Variants in PTCHD4 observed in about 807,000 individuals in gnomAD.
The protein encoded by PTCHD4 is patched domain-containing protein 4.
A neutral mutation model predicts 58.1 loss-of-function variants in PTCHD4; 33 were observed. That is an observed-to-expected ratio of 0.57 (90% CI 0.43 to 0.76). PTCHD4 has a LOEUF of 0.76. Among genes scored for constraint, PTCHD4 ranks in the 30% least tolerant of loss-of-function variants. PTCHD4 has a pLI of 0.00. For missense variants in PTCHD4, 1,058 were observed against 1,027.1 expected (o/e 1.03, Z -0.41); for synonymous variants, 478 against 409.6 (o/e 1.17, Z -2.02).
At chr6:48,033,747 A>G (rs1763531648) in intron 3 of PTCHD4, among the ~76,000 whole-genome samples, 1 of 152,074 alleles carries the variant, frequency 6.6e-6, no homozygotes, top group Non-Finnish European at 1.5e-5. Flanking sequence ...TCAAAAGGGT[A>G]GTTGGACCAA....
intron 4 of PTCHD4, among the ~76,000 whole-genome samples, chr6:47,892,339 A>G (rs1368198087): frequency 6.6e-6 from 1 of 152,228 alleles, no homozygotes; most frequent in Non-Finnish European, 1.5e-5. Context: ...AACAATTATG[A>G]CAATCTTATC....
At chr6:48,018,723 T>C (rs1762952026) in intron 3 of PTCHD4, among the ~76,000 whole-genome samples, 2 of 152,242 alleles carry the variant, frequency 1.3e-5, no homozygotes, top group Non-Finnish European at 2.9e-5. Context: ...TAAAAAGCAA[T>C]ATTACTATTC....
At chr6:47,902,378 T>C (rs1471704947) in intron 4 of PTCHD4, among the ~76,000 whole-genome samples, 2 of 152,158 alleles carry the variant, frequency 1.3e-5, no homozygotes, top group Non-Finnish European at 2.9e-5. Flanking sequence ...CAAGATACTT[T>C]GAAGGCACTT....
At position 48,088,986 on chromosome 6, in the gene PTCHD4, A is replaced by G. The variant is rs1765313198; in HGVS notation, c.-969-19060T>C. On this transcript the variant is annotated intron_variant, in intron 1 of 4. Transcript: ENST00000339488. The stretch of plus-strand genomic sequence containing the variant: ...CTTGAACCCAGGAGGCGGAGGTTGC[A>G]TTGAGCCAAAAATCACACCATTGCA... Among the ~76,000 whole-genome samples, 4 of 152,164 alleles carry G rather than the reference A, an allele frequency of 2.6e-5. No homozygotes were observed. In the South Asian group the frequency reaches 8.3e-4, roughly 31 times the overall value.
chr6:48,008,529 C>T, intron 4 of PTCHD4, 105 bp downstream of exon 4: 1 of 1,287,022 alleles, frequency 7.8e-7, no homozygotes, highest in Non-Finnish European at 1.1e-6. Flanking sequence ...ATGACATAGA[C>T]ACCCCAATGC....
At chr6:48,071,770 T>A (rs937543599) in intron 1 of PTCHD4, among the ~76,000 whole-genome samples, 1 of 152,224 alleles carries the variant, frequency 6.6e-6, no homozygotes, top group Non-Finnish European at 1.5e-5. Context: ...TTGCTTTTCA[T>A]TGTCTTGTCT....
intron 3 of PTCHD4, among the ~76,000 whole-genome samples, chr6:48,013,821 G>T (rs1366689489): frequency 6.6e-6 from 1 of 152,048 alleles, no homozygotes; most frequent in Non-Finnish European, 1.5e-5. Flanking sequence ...TCATCAAAAA[G>T]ATTTCTCAAG....
At chr6:48,007,659 C>A (rs1251798790) in intron 4 of PTCHD4, among the ~76,000 whole-genome samples, 1 of 152,196 alleles carries the variant, frequency 6.6e-6, no homozygotes, top group Non-Finnish European at 1.5e-5. Flanking sequence ...AGTTCACCAG[C>A]AGTTTTAGCA....
At chr6:48,042,533 T>TAAG (rs1297446291) in intron 3 of PTCHD4, among the ~76,000 whole-genome samples, 1 of 151,806 alleles carries the variant, frequency 6.6e-6, no homozygotes. Context: ...CCCAATAAAA[T>TAAG]AAGTCTTTCA....
At chr6:47,917,042 G>C (rs947747116) in intron 4 of PTCHD4, among the ~76,000 whole-genome samples, 16 of 151,958 alleles carry the variant, frequency 1.1e-4, no homozygotes, top group African/African-American at 3.6e-4. Flanking sequence ...GTAACATATA[G>C]TGGACAACTT....
rs537634370 is a variant in PTCHD4, at chr6:47,889,583, G to A, written c.899-9647C>T. 3.5e-3 allele frequency among the ~76,000 whole-genome samples: 534 copies of A among 152,056 alleles called. 1 individual carries two copies. Among genetic ancestry groups the A allele is most frequent in the Non-Finnish European group, 5.9e-3 (401 of 67,992 alleles). On this transcript the variant is annotated intron_variant, in intron 4 of 4. Coordinates refer to ENST00000339488, the MANE Select transcript of PTCHD4 (RefSeq NM_001384253.1). ...CAACTATCTGATCTTTGACAAACCTGAGAAAAACAAGCAATGGGGAAAGGA... is the reference window on the plus strand; with the variant it reads ...CAACTATCTGATCTTTGACAAACCTAAGAAAAACAAGCAATGGGGAAAGGA...
At chr6:47,896,655 C>T (rs529928626) in intron 4 of PTCHD4, among the ~76,000 whole-genome samples, 1 of 152,024 alleles carries the variant, frequency 6.6e-6, no homozygotes, top group Admixed American at 6.6e-5. Flanking sequence ...TTTTCATATT[C>T]TTTCCTAAGG....
chr6:47,883,463 A>T (rs181132639), intron 4 of PTCHD4, among the ~76,000 whole-genome samples: 46 of 152,266 alleles, frequency 3.0e-4, no homozygotes, highest in African/African-American at 1.1e-3. Context: ...TACTGTGAAA[A>T]CAGCATAATT....
intron 4 of PTCHD4, among the ~76,000 whole-genome samples, chr6:47,945,051 A>G (rs1248895909): frequency 6.6e-6 from 1 of 152,132 alleles, no homozygotes; most frequent in Non-Finnish European, 1.5e-5. Flanking sequence ...TCCAAAGGTG[A>G]CGGAATCCAT....
chr6:48,070,743 T>C (rs1171521672), intron 1 of PTCHD4, among the ~76,000 whole-genome samples: 6 of 152,202 alleles, frequency 3.9e-5, no homozygotes, highest in Non-Finnish European at 8.8e-5. Context: ...CATAGACTAG[T>C]CTTTCCTCTC....
At chr6:47,935,977 G>A (rs1345776274) in intron 4 of PTCHD4, among the ~76,000 whole-genome samples, 4 of 152,184 alleles carry the variant, frequency 2.6e-5, no homozygotes, top group African/African-American at 9.6e-5. Flanking sequence ...GCAGACGAGA[G>A]AATGTCAGAG....
At chr6:47,883,659 G>T (rs1027363454) in intron 4 of PTCHD4, among the ~76,000 whole-genome samples, 1 of 152,016 alleles carries the variant, frequency 6.6e-6, no homozygotes, top group Non-Finnish European at 1.5e-5. Context: ...TTTAATCCAG[G>T]GTTTCCCAAC....
Position 47,910,980 on chromosome 6 carries a change from A to C in PTCHD4, c.899-31044T>G, listed in dbSNP as rs62397937. Among the ~76,000 whole-genome samples, 962 of 152,248 alleles carry C rather than the reference A, an allele frequency of 6.3e-3. 4 individuals are homozygous for C. The highest frequency in any genetic ancestry group is 0.011 in the Non-Finnish European group (764 of 68,004). ...TCTTCTTAGTGAAGCTCATGACCTA[A>C]TAGAGGAGACAAATATTCAACATCA... is the stretch of plus-strand genomic sequence containing the variant. On this transcript the variant is annotated intron_variant, in intron 4 of 4. Coordinates refer to ENST00000339488, the MANE Select transcript of PTCHD4 (RefSeq NM_001384253.1).
At chr6:47,908,509 A>T (rs1764971907) in intron 4 of PTCHD4, among the ~76,000 whole-genome samples, 1 of 152,176 alleles carries the variant, frequency 6.6e-6, no homozygotes, top group African/African-American at 2.4e-5. Flanking sequence ...TGAATGGATC[A>T]GCTGATATAA....
Sources: allele counts gnomAD v4.1 joint callset (sites outside exome capture counted in the v4.1 genomes callset), GRCh38; gene constraint gnomAD v4.1.1; transcripts MANE v1.5; gene names NCBI Gene and HGNC (gene_info 2026-07-23, HGNC 2026-07-21).